Variants in CFAP299 observed in about 807,000 individuals in gnomAD.
CFAP299 encodes cilia- and flagella-associated protein 299.
A neutral mutation model predicts 27.0 loss-of-function variants in CFAP299; 21 were observed. The ratio of observed to expected loss-of-function variants is 0.78; its 90% CI spans 0.55 to 1.12. The LOEUF is 1.12. Among genes scored for constraint, CFAP299 ranks in the 50% most tolerant of loss-of-function variants. The pLI is 0.00. For missense variants in CFAP299, 310 were observed against 276.6 expected (o/e 1.12, Z -0.86); for synonymous variants, 104 against 98.1 (o/e 1.06, Z -0.36).
chr4:80,701,666 T>G (rs1721490298), intron 3 of CFAP299, among the ~76,000 whole-genome samples: 1 of 151,942 alleles, frequency 6.6e-6, no homozygotes, highest in African/African-American at 2.4e-5. Flanking sequence ...AACTTTCTTC[T>G]TACAGCAGTG....
At chr4:80,383,785 A>T (rs1661549871) in intron 2 of CFAP299, among the ~76,000 whole-genome samples, 1 of 152,048 alleles carries the variant, frequency 6.6e-6, no homozygotes, top group Non-Finnish European at 1.5e-5. Flanking sequence ...TCTTAAATTG[A>T]TGTTAGCCAT....
intron 1 of CFAP299, among the ~76,000 whole-genome samples, chr4:80,344,528 C>A (rs1217269007): frequency 6.6e-6 from 1 of 151,954 alleles, no homozygotes; most frequent in Non-Finnish European, 1.5e-5. Flanking sequence ...TCAAAAAAAG[C>A]CCAAGACCAG....
chr4:80,367,412 C>T (rs1038301407), intron 2 of CFAP299, among the ~76,000 whole-genome samples: 1 of 152,112 alleles, frequency 6.6e-6, no homozygotes, highest in African/African-American at 2.4e-5. Flanking sequence ...GTGAACACAT[C>T]CATTTTGCCT....
intron 3 of CFAP299, among the ~76,000 whole-genome samples, chr4:80,585,762 A>T (rs1235664743): frequency 6.6e-6 from 1 of 152,180 alleles, no homozygotes; most frequent in Non-Finnish European, 1.5e-5. Context: ...TATATAAGAC[A>T]GGGAGGTCAA....
chr4:80,591,104 AATTTTTT>A (rs1213251857), intron 3 of CFAP299, among the ~76,000 whole-genome samples: 1 of 116,498 alleles, frequency 8.6e-6, no homozygotes, highest in Admixed American at 9.2e-5. Flanking sequence ...TACTTTAGGA[AATTTTTT>A]TTTTTTTTTT....
chr4:80,962,648 T>A (rs1411600156), intron 5 of CFAP299, among the ~76,000 whole-genome samples: 1 of 151,982 alleles, frequency 6.6e-6, no homozygotes, highest in Non-Finnish European at 1.5e-5. Flanking sequence ...CACCCACTTT[T>A]TTGTTTAGCA....
intron 3 of CFAP299, among the ~76,000 whole-genome samples, chr4:80,775,076 AAAAAAG>A (rs1726451683): frequency 6.6e-6 from 1 of 151,392 alleles, no homozygotes; most frequent in South Asian, 2.1e-4. Context: ...AAAAATAAAA[AAAAAAG>A]AAAAAGAAAA....
intron 3 of CFAP299, among the ~76,000 whole-genome samples, chr4:80,630,416 A>T (rs1739146522): frequency 6.6e-6 from 1 of 152,144 alleles, no homozygotes; most frequent in South Asian, 2.1e-4. Flanking sequence ...TCATGCTTTA[A>T]ATTTGTTCTC....
intron 3 of CFAP299, among the ~76,000 whole-genome samples, chr4:80,609,450 G>T (rs537357889): frequency 6.6e-6 from 1 of 152,144 alleles, no homozygotes; most frequent in South Asian, 2.1e-4. Flanking sequence ...ATGTTTCAAG[G>T]TTGGTTTATA....
At chr4:80,783,954 C>T (rs1390723750) in intron 3 of CFAP299, among the ~76,000 whole-genome samples, 1 of 151,204 alleles carries the variant, frequency 6.6e-6, no homozygotes, top group Non-Finnish European at 1.5e-5. Context: ...GTATATTCAA[C>T]TTTTTTTATG....
chr4:80,878,573 C>T lies in CFAP299; in HGVS notation c.476+8438C>T, dbSNP rs548000381. 4.7e-4 allele frequency among the ~76,000 whole-genome samples: 72 copies of T among 152,176 alleles called. 1 individual carries two copies. In the South Asian group the frequency reaches 0.015, roughly 31 times the overall value. On this transcript the variant is annotated intron_variant, in intron 4 of 5. Transcript: ENST00000358105. ...TTTTTAACAAAATTTAATACCTAAACTAGTATGAAATAACTTTTGTGTATT... is the reference window on the plus strand; with the variant it reads ...TTTTTAACAAAATTTAATACCTAAATTAGTATGAAATAACTTTTGTGTATT...
intron 3 of CFAP299, among the ~76,000 whole-genome samples, chr4:80,841,199 T>A (rs1444064330): frequency 3.3e-5 from 5 of 152,108 alleles, no homozygotes; most frequent in Admixed American, 3.3e-4. Context: ...TCACATGGCA[T>A]AAGGAATCAG....
intron 4 of CFAP299, among the ~76,000 whole-genome samples, chr4:80,914,362 A>G (rs891921560): frequency 5.3e-5 from 8 of 152,086 alleles, no homozygotes; most frequent in African/African-American, 1.9e-4. Flanking sequence ...AATTTTAGCT[A>G]TTCTGGTGTG....
At chr4:80,891,302 A>G (rs2110186396) in intron 4 of CFAP299, among the ~76,000 whole-genome samples, 1 of 151,402 alleles carries the variant, frequency 6.6e-6, no homozygotes, top group Non-Finnish European at 1.5e-5. Flanking sequence ...TCCCAGCACC[A>G]TTTATTAAAT....
At chr4:80,645,760 T>A (rs1457269746) in intron 3 of CFAP299, among the ~76,000 whole-genome samples, 1 of 152,144 alleles carries the variant, frequency 6.6e-6, no homozygotes, top group Non-Finnish European at 1.5e-5. Context: ...TGGGAAGAGA[T>A]GTTTGGCCCC....
rs1321675516 is a variant in CFAP299 at position 80,390,936 on chromosome 4, T to TGTACACAC, written c.242+28052_242+28053insGTACACAC. On this transcript the variant is annotated intron_variant, in intron 2 of 5. Transcript: ENST00000358105. ...ATATACACACATATGTATATATGTA[T>TGTACACAC]ATATGTATGTACACACATGTATATA... Among the ~76,000 whole-genome samples, 25 of 39,396 alleles carry TGTACACAC rather than the reference T, an allele frequency of 6.3e-4. 1 individual carries two copies. The highest frequency in any genetic ancestry group is 1.1e-3 in the Admixed American group (3 of 2,704). 25.8% of individuals were successfully genotyped at this position (39,396 alleles called of 152,430 possible).
chr4:80,795,775 TTGA>T (rs953146476), intron 3 of CFAP299, among the ~76,000 whole-genome samples: 2 of 152,176 alleles, frequency 1.3e-5, no homozygotes, highest in Non-Finnish European at 2.9e-5. Flanking sequence ...GCATGGTGAC[TTGA>T]TGACCCATAG....
At chr4:80,582,981 G>A (rs936099547) in intron 2 of CFAP299, 112 bp from the exon 3 acceptor site, 25 of 554,794 alleles carry the variant, frequency 4.5e-5, no homozygotes, top group Non-Finnish European at 7.0e-5. Context: ...TATTTATATG[G>A]TTTTCATGTT....
At chr4:80,607,291 A>G (rs1737729603) in intron 3 of CFAP299, among the ~76,000 whole-genome samples, 2 of 152,132 alleles carry the variant, frequency 1.3e-5, no homozygotes, top group South Asian at 2.1e-4. Context: ...CTCGGTATCT[A>G]TCTCCTTAGA....
Sources: allele counts gnomAD v4.1 joint callset (sites outside exome capture counted in the v4.1 genomes callset), GRCh38; gene constraint gnomAD v4.1.1; transcripts MANE v1.5; gene names NCBI Gene and HGNC (gene_info 2026-07-23, HGNC 2026-07-21).